The following WWC2 variants were observed in gnomAD, a reference collection of about 807,000 sequenced individuals.
WWC2 encodes the protein WW and C2 domain containing 2, also known as protein WWC2.
A neutral mutation model predicts 138.5 loss-of-function variants in WWC2; 101 were observed. That is an observed-to-expected ratio of 0.73 (90% CI 0.62 to 0.86). The LOEUF is 0.86. Among genes scored for constraint, WWC2 ranks in the 40% least tolerant of loss-of-function variants. The pLI is 0.00. For synonymous variants in WWC2, 558 were observed against 538.4 expected, an observed-to-expected ratio of 1.04 and a Z score of -0.50; for missense variants, 1,420 against 1,419.4, an observed-to-expected ratio of 1.00 and a Z score of -0.01.
At chr4:183,286,102 C>T (rs1225941362) in intron 20 of WWC2, 43 bp downstream of exon 20, 1 of 1,512,526 alleles carries the variant, frequency 6.6e-7, no homozygotes, top group Non-Finnish European at 9.0e-7. Context: ...CTGGACCAGT[C>T]CAGAATTGTC....
At chr4:183,182,714 T>A (rs922906241) in intron 1 of WWC2, among the ~76,000 whole-genome samples, 1 of 152,228 alleles carries the variant, frequency 6.6e-6, no homozygotes, top group Non-Finnish European at 1.5e-5. Context: ...AATGTAATAA[T>A]AGCAAAAATA....
At chr4:183,273,100 A>G (rs970912021) in intron 16 of WWC2, among the ~76,000 whole-genome samples, 5 of 151,986 alleles carry the variant, frequency 3.3e-5, no homozygotes, top group Non-Finnish European at 5.9e-5. Context: ...CTCCCTTGCC[A>G]TGTGTTATCT....
chr4:183,213,915 C>T (rs1367409432), intron 4 of WWC2, among the ~76,000 whole-genome samples: 1 of 148,336 alleles, frequency 6.7e-6, no homozygotes, highest in Non-Finnish European at 1.5e-5. Flanking sequence ...ACTTTAAATT[C>T]AATTGCCGTT....
chr4:183,219,656 G>A (rs115224724), intron 4 of WWC2, among the ~76,000 whole-genome samples: 2,622 of 152,212 alleles, frequency 0.017, 82 homozygotes, highest in African/African-American at 0.06. Context: ...CTGTCATAAG[G>A]CACTTTGACT....
In WWC2 at chr4:183,153,662, T is replaced by C. The variant is rs181146850; in HGVS notation, c.132-39937T>C. Among the ~76,000 whole-genome samples, 122 of 150,452 alleles carry C rather than the reference T, an allele frequency of 8.1e-4. No individual in the cohort carries two copies. The East Asian group carries it at 0.023, about 28-fold the overall frequency. On this transcript the variant is annotated intron_variant, in intron 1 of 22. Transcript: ENST00000403733. ...GAAGTAGTCTTTTTTTTTTTTTTTT[T>C]GGTAAGACATGGTTTTTCTGTCACC...
chr4:183,301,182 A>G (rs1166443442), intron 21 of WWC2, among the ~76,000 whole-genome samples: 1 of 152,242 alleles, frequency 6.6e-6, no homozygotes, highest in East Asian at 1.9e-4. Flanking sequence ...ATAGCAAGAT[A>G]GAAGTCATTT....
chr4:183,305,183 A>G (rs1009065813), intron 21 of WWC2, among the ~76,000 whole-genome samples: 3 of 152,228 alleles, frequency 2.0e-5, no homozygotes, highest in Non-Finnish European at 4.4e-5. Flanking sequence ...TCTTGAGGAT[A>G]TGTCAATAGA....
intron 4 of WWC2, among the ~76,000 whole-genome samples, chr4:183,213,709 A>G (rs1199450478): frequency 1.3e-5 from 2 of 152,218 alleles, no homozygotes; most frequent in African/African-American, 2.4e-5. Flanking sequence ...AAATGGTAAA[A>G]TGAATGCATT....
At chr4:183,265,565 C>A in intron 12 of WWC2, 123 bp from the exon 13 acceptor site, 2 of 990,894 alleles carry the variant, frequency 2.0e-6, no homozygotes, top group Non-Finnish European at 3.1e-6. Flanking sequence ...ATCAGTTCCA[C>A]TGGGAGGGCA....
At chr4:183,253,275 G>A (rs879738288) in intron 8 of WWC2, among the ~76,000 whole-genome samples, 11 of 152,086 alleles carry the variant, frequency 7.2e-5, no homozygotes, top group Admixed American at 6.5e-4. Flanking sequence ...AGCCTGCCCT[G>A]GGGTTCCCAT....
At chr4:183,229,468 AAT>A (rs1458282207) in intron 4 of WWC2, among the ~76,000 whole-genome samples, 1 of 152,018 alleles carries the variant, frequency 6.6e-6, no homozygotes, top group East Asian at 1.9e-4. Context: ...TCTCCTGACA[AAT>A]AGAGTATGGA....
intron 5 of WWC2, among the ~76,000 whole-genome samples, chr4:183,244,330 C>T (rs560502609): frequency 2.0e-5 from 3 of 152,180 alleles, no homozygotes; most frequent in South Asian, 2.1e-4. Flanking sequence ...CGATTAGGCC[C>T]TTCGAACACA....
chr4:183,193,551 C>T (rs376481483), intron 1 of WWC2, 48 bp from the exon 2 acceptor site: 24 of 1,542,784 alleles, frequency 1.6e-5, no homozygotes, highest in Admixed American at 3.4e-5. Context: ...TTGACATATG[C>T]GGTTTGACGG....
At position 183,132,012 on chromosome 4, in the gene WWC2, A is replaced by G. The variant is rs554671381; in HGVS notation, c.131+32390A>G. ...CAAGTCTCCAAGTTTGTGTGGGTCT[A>G]TTTTTGTGTTGCAGTTCAGTTCCTT... On this transcript the variant is annotated intron_variant, in intron 1 of 22. Transcript: ENST00000403733. Among the ~76,000 whole-genome samples the G allele has an allele frequency of 8.2e-4, 124 of 152,112 alleles. 3 individuals carry two copies. In the South Asian group the frequency reaches 0.024, roughly 30 times the overall value.
At chr4:183,122,032 G>A (rs979118243) in intron 1 of WWC2, among the ~76,000 whole-genome samples, 3 of 151,806 alleles carry the variant, frequency 2.0e-5, no homozygotes, top group Non-Finnish European at 4.4e-5. Flanking sequence ...TGATCCGCCC[G>A]CTTCCGCCTC....
intron 8 of WWC2, among the ~76,000 whole-genome samples, chr4:183,252,773 C>T (rs1346158570): frequency 2.0e-5 from 3 of 152,164 alleles, no homozygotes; most frequent in Non-Finnish European, 4.4e-5. Flanking sequence ...CCAGTCGGGG[C>T]ACTGATGGGG....
At chr4:183,233,349 G>T (rs1302640309) in intron 4 of WWC2, among the ~76,000 whole-genome samples, 2 of 151,284 alleles carry the variant, frequency 1.3e-5, no homozygotes. Context: ...TAGAGACAGG[G>T]TTTCACCATG....
At chr4:183,112,115 T>G (rs953077077) in intron 1 of WWC2, among the ~76,000 whole-genome samples, 1 of 152,204 alleles carries the variant, frequency 6.6e-6, no homozygotes, top group Non-Finnish European at 1.5e-5. Flanking sequence ...TGGCAGAATG[T>G]TTAACATAAC....
intron 5 of WWC2, 42 bp downstream of exon 5, chr4:183,240,304 T>C (rs1185806780): frequency 1.1e-5 from 16 of 1,431,976 alleles, no homozygotes; most frequent in Non-Finnish European, 1.3e-5. Context: ...ATAAGCTCCC[T>C]AACTAGTATG....
Sources: allele counts gnomAD v4.1 joint callset (sites outside exome capture counted in the v4.1 genomes callset), GRCh38; gene constraint gnomAD v4.1.1; transcripts MANE v1.5; gene names NCBI Gene and HGNC (gene_info 2026-07-23, HGNC 2026-07-21).